Variants in DACH1 observed in about 807,000 individuals in gnomAD.
The protein encoded by DACH1 is dachshund family transcription factor 1.
Under a neutral mutation model 54.2 loss-of-function variants are expected in DACH1, and 12 were observed. The observed-to-expected ratio is 0.22, with a 90% CI of 0.14 to 0.36. The LOEUF is 0.36. DACH1 is among the 10% of genes least tolerant of loss of function. The probability of loss-of-function intolerance (pLI) is 1.00; values close to 1 mark genes in which losing one functional copy is unlikely to be tolerated. For synonymous variants in DACH1, 386 were observed against 366.2 expected, an observed-to-expected ratio of 1.05 and a Z score of -0.62; for missense variants, 805 against 929.8, an observed-to-expected ratio of 0.87 and a Z score of 1.75.
chr13:71,450,676 C>T (rs748950056), intron 10 of DACH1, among the ~76,000 whole-genome samples: 6 of 151,984 alleles, frequency 3.9e-5, no homozygotes, highest in Non-Finnish European at 8.8e-5. Flanking sequence ...GCACAGTTTG[C>T]CAAACTGTGA....
At chr13:71,770,464 A>T (rs1325345) in intron 1 of DACH1, among the ~76,000 whole-genome samples, 21,832 of 151,536 alleles carry the variant, frequency 0.14, 3,463 homozygotes, top group East Asian at 0.85. Context: ...TCATCCTTTA[A>T]TTCTATCAGT....
At chr13:71,844,220 A>G (rs1873068467) in intron 1 of DACH1, among the ~76,000 whole-genome samples, 1 of 152,200 alleles carries the variant, frequency 6.6e-6, no homozygotes, top group African/African-American at 2.4e-5. Context: ...AGGCTCAACT[A>G]CAGAGGTTTC....
intron 1 of DACH1, among the ~76,000 whole-genome samples, chr13:71,683,935 T>G (rs1881034889): frequency 6.6e-6 from 1 of 152,138 alleles, no homozygotes; most frequent in Admixed American, 6.6e-5. Context: ...CTTGTCTAAA[T>G]CTGAACTCAG....
chr13:71,475,312 G>A (rs1877420867), intron 9 of DACH1, 103 bp from the exon 10 acceptor site: 18 of 956,784 alleles, frequency 1.9e-5, no homozygotes, highest in South Asian at 1.2e-4. Flanking sequence ...TTAAAATTAC[G>A]TAAATCTTTG....
intron 10 of DACH1, among the ~76,000 whole-genome samples, chr13:71,450,521 A>T (rs1874945268): frequency 6.6e-6 from 1 of 152,030 alleles, no homozygotes; most frequent in Non-Finnish European, 1.5e-5. Context: ...AACAATATTG[A>T]AATTACGTCA....
intron 1 of DACH1, among the ~76,000 whole-genome samples, chr13:71,803,341 C>G (rs1887362803): frequency 1.3e-5 from 2 of 152,070 alleles, no homozygotes; most frequent in Admixed American, 1.3e-4. Context: ...TACAAGTAAA[C>G]TGTTCATGTA....
chr13:71,744,339 T>A (rs1884520363), intron 1 of DACH1, among the ~76,000 whole-genome samples: 1 of 152,212 alleles, frequency 6.6e-6, no homozygotes, highest in Non-Finnish European at 1.5e-5. Flanking sequence ...TCTGCATTGG[T>A]TAGCTTATGC....
intron 7 of DACH1, among the ~76,000 whole-genome samples, chr13:71,481,646 T>C (rs1268626864): frequency 6.6e-6 from 1 of 152,156 alleles, no homozygotes; most frequent in African/African-American, 2.4e-5. Flanking sequence ...TGCATATCAG[T>C]AGGAGTCCAG....
At chr13:71,454,707 G>C (rs1258159482) in intron 10 of DACH1, among the ~76,000 whole-genome samples, 4 of 152,312 alleles carry the variant, frequency 2.6e-5, no homozygotes, top group African/African-American at 9.6e-5. Context: ...AGCCACATTA[G>C]TCAGCTTGGA....
At chr13:71,836,498 G>A in intron 1 of DACH1, among the ~76,000 whole-genome samples, 1 of 152,022 alleles carries the variant, frequency 6.6e-6, no homozygotes, top group East Asian at 1.9e-4. Context: ...CTGCAGCATA[G>A]TTTGTTCTTG....
intron 2 of DACH1, among the ~76,000 whole-genome samples, chr13:71,645,736 G>A (rs1482848292): frequency 1.3e-5 from 2 of 152,192 alleles, no homozygotes; most frequent in Non-Finnish European, 2.9e-5. Flanking sequence ...ACGTGCTCAT[G>A]CCTGCAATGC....
At chr13:71,790,455 G>A (rs1886788558) in intron 1 of DACH1, among the ~76,000 whole-genome samples, 1 of 152,230 alleles carries the variant, frequency 6.6e-6, no homozygotes, top group East Asian at 1.9e-4. Flanking sequence ...TTGACTTAGA[G>A]TTTCACGTTT....
At chr13:71,706,800 C>T (rs763167130) in intron 1 of DACH1, among the ~76,000 whole-genome samples, 3 of 152,046 alleles carry the variant, frequency 2.0e-5, no homozygotes, top group Non-Finnish European at 4.4e-5. Context: ...CAAGTTAATA[C>T]TGTATGTCCT....
chr13:71,689,128 T>C (rs58337618), intron 1 of DACH1, among the ~76,000 whole-genome samples: 5,972 of 152,254 alleles, frequency 0.039, 272 homozygotes, highest in African/African-American at 0.11. Context: ...ATGATTTACA[T>C]TTGAATTATG....
chr13:71,757,845 A>T (rs956752488), intron 1 of DACH1, among the ~76,000 whole-genome samples: 12 of 152,140 alleles, frequency 7.9e-5, no homozygotes, highest in African/African-American at 2.7e-4. Context: ...TGAAAGTAGC[A>T]ATCCAGTTGT....
intron 1 of DACH1, among the ~76,000 whole-genome samples, chr13:71,697,892 T>C (rs1037888702): frequency 1.3e-5 from 2 of 152,176 alleles, no homozygotes; most frequent in African/African-American, 4.8e-5. Flanking sequence ...ATTTTATGCA[T>C]TTTAAAAGGA....
intron 2 of DACH1, among the ~76,000 whole-genome samples, chr13:71,669,546 A>G (rs1341865137): frequency 6.6e-6 from 1 of 152,144 alleles, no homozygotes; most frequent in Non-Finnish European, 1.5e-5. Context: ...ATGTGCTTGA[A>G]TCATCCCAAA....
intron 1 of DACH1, among the ~76,000 whole-genome samples, chr13:71,810,954 C>T (rs1349792170): frequency 6.6e-6 from 1 of 152,088 alleles, no homozygotes; most frequent in Non-Finnish European, 1.5e-5. Flanking sequence ...CCCAGCTCAA[C>T]AGGAAAATCA....
At chr13:71,840,004 T>C (rs1224637239) in intron 1 of DACH1, among the ~76,000 whole-genome samples, 5 of 152,208 alleles carry the variant, frequency 3.3e-5, no homozygotes, top group Non-Finnish European at 5.9e-5. Flanking sequence ...TGGAGTGCAG[T>C]AGCACGATCT....
Sources: allele counts gnomAD v4.1 joint callset (sites outside exome capture counted in the v4.1 genomes callset), GRCh38; gene constraint gnomAD v4.1.1; transcripts MANE v1.5; gene names NCBI Gene and HGNC (gene_info 2026-07-23, HGNC 2026-07-21).